The following UNC5A variants were observed in gnomAD, a reference collection of about 807,000 sequenced individuals.
The protein encoded by UNC5A is unc-5 netrin receptor A, also known as netrin receptor UNC5A.
UNC5A carries 20 observed loss-of-function variants against 87.4 expected under a neutral mutation model. The observed-to-expected ratio is 0.23, with a 90% CI of 0.16 to 0.33. UNC5A has a LOEUF of 0.33. Ranked by LOEUF, UNC5A falls within the 10% of genes least tolerant of loss-of-function variation. UNC5A has a pLI of 1.00. For missense variants in UNC5A, 844 were observed against 1,133.4 expected, an observed-to-expected ratio of 0.74 and a Z score of 3.67; for synonymous variants, 438 against 482.3, an observed-to-expected ratio of 0.91 and a Z score of 1.20.
At chr5:176,840,751 C>T (rs192649336) in intron 1 of UNC5A, among the ~76,000 whole-genome samples, 3 of 152,358 alleles carry the variant, frequency 2.0e-5, no homozygotes, top group Admixed American at 1.3e-4. Flanking sequence ...AAAGTCCAGG[C>T]CAGCTTCAGA....
chr5:176,879,934 CA>C lies in UNC5A; in HGVS notation c.*50del. The C allele has an allele frequency of 1.3e-6, 2 of 1,573,432 alleles. No individual in the cohort carries two copies. Among genetic ancestry groups the C allele is most frequent in the Middle Eastern group, 1.9e-4 (1 of 5,156 alleles). ...CACTCTCACCAGCTTTGGCACCCAC[CA>C]AGGACAGGCAGAAGCCGGACAGGGG... On this transcript the variant is annotated 3_prime_UTR_variant, in exon 15 of 15. Transcript: ENST00000329542.
chr5:176,822,731 C>T (rs1448306154), intron 1 of UNC5A, among the ~76,000 whole-genome samples: 1 of 152,240 alleles, frequency 6.6e-6, no homozygotes, highest in Non-Finnish European at 1.5e-5. Context: ...TCTGGGAACC[C>T]TGAGGCCAGA....
At chr5:176,830,726 A>G (rs111072868) in intron 1 of UNC5A, among the ~76,000 whole-genome samples, 11,645 of 26,170 alleles carry the variant, frequency 0.44, 1,312 homozygotes, top group African/African-American at 0.52. Context: ...GCTGGCATGT[A>G]TGTGTGGGTG....
rs1180009684 is a variant in UNC5A at position 176,868,580 on chromosome 5, G to A, written c.456G>A (p.Glu152=). The A allele has an allele frequency of 6.2e-7, 1 of 1,603,960 alleles. No individual in the cohort carries two copies. Residue 152 remains glutamate (E), a synonymous_variant, in exon 4 of 15, where the codon GAG becomes GAA. Transcript: ENST00000329542. ...TTCTAGATTTGCGCAAGAACTTCGA[G>A]CAGGAGCCGCTGGCCAAGGAGGTGT... ...IRIAYLRKNF[E]QEPLAKEVSL...
chr5:176,879,950 C>A lies in UNC5A; in HGVS notation c.*64C>A. On this transcript the variant is annotated 3_prime_UTR_variant, in exon 15 of 15. Coordinates refer to ENST00000329542, the MANE Select transcript of UNC5A (RefSeq NM_133369.3). Reference sequence around the variant, plus strand: ...GGCACCCACCAAGGACAGGCAGAAGCCGGACAGGGGCCCTTCCCCACACCG... The same window carrying A: ...GGCACCCACCAAGGACAGGCAGAAGACGGACAGGGGCCCTTCCCCACACCG... The A allele has an allele frequency of 6.5e-7, 1 of 1,539,050 alleles. No individual in the cohort carries two copies. Among genetic ancestry groups the A allele is most frequent in the Admixed American group, 1.9e-5 (1 of 52,482 alleles).
In UNC5A at chr5:176,879,824, G is replaced by C. The variant is rs1561673313; in HGVS notation, c.2467G>C (p.Ala823Pro). 1 of 1,612,674 alleles carries C rather than the reference G, an allele frequency of 6.2e-7. No individual in the cohort carries two copies. The highest frequency in any genetic ancestry group is 8.5e-7 in the Non-Finnish European group (1 of 1,179,834). Reference protein sequence around the residue: ...PNGNLSQLAAAVAGLGQPDAG... With the variant: ...PNGNLSQLAAPVAGLGQPDAG... The stretch of plus-strand genomic sequence containing the variant: ...CGGCAACCTCAGCCAGCTGGCTGCA[G>C]CAGTGGCTGGACTGGGCCAGCCAGA... The change falls in exon 15 of 15, where the codon GCA (alanine) becomes CCA (proline). Residue 823 changes from alanine to proline, a missense_variant. Physicochemically the swap from Ala to Pro is conservative, Grantham distance 27. Coordinates refer to ENST00000329542, the MANE Select transcript of UNC5A (RefSeq NM_133369.3).
At chr5:176,858,290 G>A (rs1297449940) in intron 1 of UNC5A, among the ~76,000 whole-genome samples, 1 of 152,204 alleles carries the variant, frequency 6.6e-6, no homozygotes, top group Non-Finnish European at 1.5e-5. Context: ...GTTGAGGTAG[G>A]GGAACCCTCT....
At chr5:176,858,736 A>AAGGT in intron 1 of UNC5A, among the ~76,000 whole-genome samples, 1 of 98,474 alleles carries the variant, frequency 1.0e-5, no homozygotes. Flanking sequence ...GGAAGGAAGG[A>AAGGT]AGGAAGGAAG....
Position 176,877,950 on chromosome 5 carries a change from G to T in UNC5A, c.1692G>T (p.Glu564Asp). 1 of 1,604,162 alleles carries T rather than the reference G, an allele frequency of 6.2e-7. No homozygotes were observed. ...CCCACCTCTACTACTGCCAGCTGGA[G>T]GCCAGTGCCTGCTACGTCTTCACCG... ...APSHLYYCQL[E>D]ASACYVFTEQ... The change falls in exon 11 of 15, where the codon GAG becomes GAT. Residue 564 changes from glutamate to aspartate, a missense_variant. Physicochemically the swap from Glu to Asp is conservative, Grantham distance 45 (BLOSUM62 2). This residue lies in a region of UNC5A where 353 missense variants were observed against 387.5 expected (regional missense o/e 0.91). Transcript: ENST00000329542.
intron 1 of UNC5A, among the ~76,000 whole-genome samples, chr5:176,833,176 G>A (rs898107886): frequency 6.6e-6 from 1 of 152,212 alleles, no homozygotes; most frequent in African/African-American, 2.4e-5. Context: ...TTAGGTTCAA[G>A]GTGGTGCGTG....
chr5:176,872,669 A>C (rs1380538574), intron 6 of UNC5A, among the ~76,000 whole-genome samples: 292 of 58,516 alleles, frequency 5.0e-3, no homozygotes, highest in Admixed American at 0.011. Context: ...CCACAGCTTC[A>C]CATCTGCCCA....
chr5:176,878,746 C>T lies in UNC5A; in HGVS notation c.2184+107C>T, dbSNP rs568530288. ...CCTGCCCTGCCACCCACTCTCCCTC[C>T]CGCCTGTCCCCAGGCCCACCTCCTC... On this transcript the variant is annotated intron_variant, in intron 13 of 14. Coordinates refer to ENST00000329542, the MANE Select transcript of UNC5A (RefSeq NM_133369.3). 3.2e-5 allele frequency: 46 copies of T among 1,422,528 alleles called. No homozygotes were observed. The South Asian group carries it at 5.9e-4, about 18-fold the overall frequency. 88.1% of individuals were successfully genotyped at this position (1,422,528 alleles called of 1,614,324 possible).
intron 1 of UNC5A, among the ~76,000 whole-genome samples, chr5:176,834,732 C>T (rs1392984044): frequency 6.8e-6 from 1 of 146,800 alleles, no homozygotes; most frequent in Non-Finnish European, 1.5e-5. Flanking sequence ...TCCCTCCTCT[C>T]CCTCTCCCTC....
At chr5:176,864,965 C>A (rs1354455663) in intron 2 of UNC5A, 13 of 386,168 alleles carry the variant, frequency 3.4e-5, no homozygotes, top group Non-Finnish European at 5.7e-5. Context: ...CTGGGAGGGT[C>A]TGCAGGAGAA....
In UNC5A at chr5:176,839,866, G is replaced by C. The variant is rs539661880; in HGVS notation, c.71-22758G>C. 1.6e-4 allele frequency among the ~76,000 whole-genome samples: 24 copies of C among 146,526 alleles called. No individual in the cohort carries two copies. The South Asian group carries it at 5.2e-3, about 32-fold the overall frequency. Reference sequence around the variant, plus strand: ...GAGTCTCACTCTGTCGCCCAGGCTGGAATGCAGTGGTAAGATCTCAGCTCA... The same window carrying C: ...GAGTCTCACTCTGTCGCCCAGGCTGCAATGCAGTGGTAAGATCTCAGCTCA... On this transcript the variant is annotated intron_variant, in intron 1 of 14. Transcript: ENST00000329542.
intron 1 of UNC5A, among the ~76,000 whole-genome samples, chr5:176,820,440 C>A (rs1369084640): frequency 6.6e-6 from 1 of 152,152 alleles, no homozygotes; most frequent in East Asian, 1.9e-4. Context: ...GAAAACAAGG[C>A]TGGCCATTCA....
chr5:176,879,252 C>T (rs989962354), intron 13 of UNC5A, 58 bp from the exon 14 acceptor site: 116 of 1,510,700 alleles, frequency 7.7e-5, no homozygotes, highest in Admixed American at 3.9e-4. Flanking sequence ...CAGGAGGTGG[C>T]GGTGGACCCG....
intron 1 of UNC5A, among the ~76,000 whole-genome samples, chr5:176,820,030 A>G (rs1258092544): frequency 1.3e-5 from 2 of 152,234 alleles, no homozygotes; most frequent in Non-Finnish European, 2.9e-5. Flanking sequence ...TGGGAGGCCG[A>G]GGCGGGCGGA....
In UNC5A at chr5:176,866,657, G is replaced by C. The variant is rs1426338161; in HGVS notation, c.293-1473G>C. On this transcript the variant is annotated intron_variant, in intron 2 of 14. Transcript: ENST00000329542. The surrounding 1 kb of genome is among the most constrained non-coding windows in gnomAD (Gnocchi z 5.0). ...CCCCAAGGCAGAGAGGATGAAGGGA[G>C]TGGAGGGCCCCTCCCCAGATCTCCT... Among the ~76,000 whole-genome samples the C allele has an allele frequency of 1.3e-5, 2 of 152,188 alleles. No homozygotes were observed. The highest frequency in any genetic ancestry group is 2.4e-5 in the African/African-American group (1 of 41,438).
Sources: allele counts gnomAD v4.1 joint callset (sites outside exome capture counted in the v4.1 genomes callset), GRCh38; gene constraint gnomAD v4.1.1; regional missense constraint gnomAD v4.1.1; non-coding constraint Gnocchi (gnomAD v3.1); transcripts MANE v1.5; gene names NCBI Gene and HGNC (gene_info 2026-07-23, HGNC 2026-07-21).